Variants in MBNL1 observed in about 807,000 individuals in gnomAD.
The protein encoded by MBNL1 is muscleblind like splicing regulator 1, also known as muscleblind-like protein 1.
A neutral mutation model predicts 42.2 loss-of-function variants in MBNL1; 8 were observed. The ratio of observed to expected loss-of-function variants is 0.19; its 90% CI spans 0.11 to 0.34. MBNL1 has a LOEUF of 0.34. Among genes scored for constraint, MBNL1 ranks in the 10% least tolerant of loss-of-function variants. MBNL1 has a pLI of 1.00. For missense variants in MBNL1, 309 were observed against 495.3 expected, an observed-to-expected ratio of 0.62 and a Z score of 3.57; for synonymous variants, 169 against 173.9, an observed-to-expected ratio of 0.97 and a Z score of 0.22.
intron 3 of MBNL1, among the ~76,000 whole-genome samples, chr3:152,427,819 TATAC>T (rs1456862891): frequency 1.3e-5 from 2 of 151,162 alleles, no homozygotes; most frequent in Non-Finnish European, 3.0e-5. Flanking sequence ...TATTTCTTTA[TATAC>T]ATACATAAAA....
At chr3:152,378,705 T>G (rs372280510) in intron 2 of MBNL1, among the ~76,000 whole-genome samples, 34 of 152,308 alleles carry the variant, frequency 2.2e-4, no homozygotes, top group African/African-American at 7.7e-4. Flanking sequence ...TTACTTTTTA[T>G]CCTTATGTTA....
rs74534372 is a variant in MBNL1, at chr3:152,444,576, G to A, written c.550-706G>A. 1.5e-3 allele frequency among the ~76,000 whole-genome samples: 234 copies of A among 152,214 alleles called. 2 individuals carry two copies. The highest frequency in any genetic ancestry group is 0.01 in the Middle Eastern group (3 of 294). On this transcript the variant is annotated intron_variant, in intron 4 of 9. Transcript: ENST00000324210. ...CAAGAGTTTCTGTCTACGCTTTACTGATCTAAATATTAATATCTTACATAA... is the reference window on the plus strand; with the variant it reads ...CAAGAGTTTCTGTCTACGCTTTACTAATCTAAATATTAATATCTTACATAA...
At chr3:152,335,018 G>C (rs928594256) in intron 2 of MBNL1, 17 of 1,139,624 alleles carry the variant, frequency 1.5e-5, no homozygotes, top group Non-Finnish European at 1.8e-5. Flanking sequence ...GGTCTAAATG[G>C]TCTGCTCCAG....
intron 2 of MBNL1, among the ~76,000 whole-genome samples, chr3:152,377,139 G>T (rs1422937508): frequency 1.3e-5 from 2 of 152,130 alleles, no homozygotes; most frequent in Admixed American, 1.3e-4. Context: ...CATTAATGAT[G>T]GTTGTGGTTG....
Position 152,463,176 on chromosome 3 carries a change from A to G in MBNL1, c.*810A>G, listed in dbSNP as rs1748376770. 1 of 151,716 alleles carries G rather than the reference A, an allele frequency of 6.6e-6. No individual in the cohort carries two copies. Among genetic ancestry groups the G allele is most frequent in the Non-Finnish European group, 1.5e-5 (1 of 67,774 alleles). 9.4% of individuals were successfully genotyped at this position (151,716 alleles called of 1,614,324 possible). ...TTTTGAAACCAAAGCTGTCTCAGAA[A>G]TGGCCAATTTAACTTTACAGTAACA... On this transcript the variant is annotated 3_prime_UTR_variant, in exon 10 of 10. Coordinates refer to ENST00000324210, the MANE Select transcript of MBNL1 (RefSeq NM_021038.5).
intron 2 of MBNL1, among the ~76,000 whole-genome samples, chr3:152,348,328 G>T (rs1030515182): frequency 6.6e-6 from 1 of 152,110 alleles, no homozygotes; most frequent in Non-Finnish European, 1.5e-5. Flanking sequence ...ATGAGTATGT[G>T]CTAGTGGAAA....
chr3:152,309,077 A>G (rs966349432), intron 2 of MBNL1, among the ~76,000 whole-genome samples: 2 of 152,182 alleles, frequency 1.3e-5, no homozygotes, highest in African/African-American at 4.8e-5. Context: ...CAGCAATTGC[A>G]GGGTCAGTGA....
At chr3:152,435,577 G>C (rs2099068259) in intron 4 of MBNL1, among the ~76,000 whole-genome samples, 1 of 152,096 alleles carries the variant, frequency 6.6e-6, no homozygotes, top group South Asian at 2.1e-4. Context: ...ATTCTGTGAA[G>C]AATGTCATTG....
intron 2 of MBNL1, among the ~76,000 whole-genome samples, chr3:152,257,495 AG>A (rs1576799924): frequency 6.6e-6 from 1 of 152,122 alleles, no homozygotes; most frequent in East Asian, 1.9e-4. Context: ...CCATCATGTT[AG>A]GAAAAAAAAA....
chr3:152,462,027 C>A (rs1041816101), intron 9 of MBNL1, among the ~76,000 whole-genome samples: 6 of 151,950 alleles, frequency 3.9e-5, no homozygotes, highest in African/African-American at 1.5e-4. Context: ...ACTCTTGAAA[C>A]CTTATTAAAC....
chr3:152,359,364 A>G (rs1374351448), intron 2 of MBNL1, among the ~76,000 whole-genome samples: 1 of 152,210 alleles, frequency 6.6e-6, no homozygotes, highest in Non-Finnish European at 1.5e-5. Flanking sequence ...TCTATTATTT[A>G]TCACACAATT....
At chr3:152,386,665 T>C (rs1226828493) in intron 2 of MBNL1, among the ~76,000 whole-genome samples, 3 of 152,052 alleles carry the variant, frequency 2.0e-5, no homozygotes, top group African/African-American at 7.2e-5. Flanking sequence ...AGATACCTGC[T>C]GAGAATTGAT....
At chr3:152,336,348 A>C (rs568928889) in intron 2 of MBNL1, among the ~76,000 whole-genome samples, 1 of 152,266 alleles carries the variant, frequency 6.6e-6, no homozygotes, top group Admixed American at 6.5e-5. Flanking sequence ...ACTGCAATTG[A>C]TTTTTAATTT....
intron 2 of MBNL1, among the ~76,000 whole-genome samples, chr3:152,321,283 A>G (rs1019453278): frequency 4.6e-5 from 7 of 152,144 alleles, no homozygotes; most frequent in Non-Finnish European, 8.8e-5. Flanking sequence ...GTAATTATGT[A>G]GCTGGTAACA....
At chr3:152,439,100 T>C (rs1179199797) in intron 4 of MBNL1, among the ~76,000 whole-genome samples, 1 of 152,238 alleles carries the variant, frequency 6.6e-6, no homozygotes, top group Non-Finnish European at 1.5e-5. Context: ...TATTAAAATA[T>C]AAAATAAATT....
chr3:152,452,779 C>A (rs546263597), intron 6 of MBNL1, among the ~76,000 whole-genome samples: 2 of 152,204 alleles, frequency 1.3e-5, no homozygotes, highest in African/African-American at 4.8e-5. Context: ...CTCTTGTCTC[C>A]CTCTCTAGCA....
chr3:152,334,206 C>T (rs920898346), intron 2 of MBNL1, among the ~76,000 whole-genome samples: 12 of 152,144 alleles, frequency 7.9e-5, no homozygotes, highest in Admixed American at 7.2e-4. Context: ...TTATTCTCTG[C>T]TGTGTAAAGA....
intron 2 of MBNL1, among the ~76,000 whole-genome samples, chr3:152,305,607 A>G (rs781589887): frequency 6.6e-5 from 10 of 152,046 alleles, no homozygotes; most frequent in Non-Finnish European, 1.5e-4. Flanking sequence ...GGGTAACTAG[A>G]TAGATAGATA....
chr3:152,401,373 G>A (rs866564026), intron 2 of MBNL1, among the ~76,000 whole-genome samples: 1 of 152,148 alleles, frequency 6.6e-6, no homozygotes, highest in African/African-American at 2.4e-5. Flanking sequence ...TTTGAAAAGG[G>A]TCACTTCTCA....
Sources: gnomAD v4.1 joint callset for allele counts (sites outside exome capture counted in the v4.1 genomes callset) on GRCh38, gnomAD v4.1.1 for gene constraint, MANE v1.5 for transcripts, NCBI Gene and HGNC (gene_info 2026-07-23, HGNC 2026-07-21) for gene names.